LUZP2: variants seen among roughly 807,000 people sequenced by gnomAD.
LUZP2 encodes the protein leucine zipper protein 2.
LUZP2 carries 52 observed loss-of-function variants against 51.6 expected under a neutral mutation model. The observed-to-expected ratio is 1.01, with a 90% CI of 0.81 to 1.27. The LOEUF (loss-of-function observed/expected upper bound fraction) is 1.27. Among genes scored for constraint, LUZP2 ranks in the 50% most tolerant of loss-of-function variants. LUZP2 has a pLI of 0.00. For missense variants in LUZP2, 436 were observed against 395.4 expected, an observed-to-expected ratio of 1.10 and a Z score of -0.87; for synonymous variants, 154 against 137.3, an observed-to-expected ratio of 1.12 and a Z score of -0.85.
chr11:24,935,232 C>T (rs1854556568), intron 7 of LUZP2, among the ~76,000 whole-genome samples: 1 of 151,904 alleles, frequency 6.6e-6, no homozygotes, highest in African/African-American at 2.4e-5. Context: ...TGAGAGGGGC[C>T]CTTAACTTTA....
rs562010890 is a variant in LUZP2 at position 24,566,517 on chromosome 11, T to C, written c.62+69212T>C. On this transcript the variant is annotated intron_variant, in intron 1 of 11. Coordinates refer to ENST00000336930, the MANE Select transcript of LUZP2 (RefSeq NM_001009909.4). ...ATAATTTAATTTGTGTGTGTGTGTA[T>C]GTGTGTGTATATGTATACACATATG... Among the ~76,000 whole-genome samples, 243 of 147,872 alleles carry C rather than the reference T, an allele frequency of 1.6e-3. 1 individual carries two copies. The highest frequency in any genetic ancestry group is 5.7e-3 in the African/African-American group (231 of 40,442).
At chr11:24,678,218 AATCAATGGCCC>A (rs1388456786) in intron 1 of LUZP2, among the ~76,000 whole-genome samples, 9 of 152,308 alleles carry the variant, frequency 5.9e-5, no homozygotes, top group African/African-American at 2.2e-4. Context: ...TGTCCAGGAC[AATCAATGGCCC>A]ATAGTAACCA....
At chr11:24,591,833 A>G (rs1351716496) in intron 1 of LUZP2, among the ~76,000 whole-genome samples, 1 of 152,246 alleles carries the variant, frequency 6.6e-6, no homozygotes, top group Admixed American at 6.5e-5. Flanking sequence ...TAAAATAAAA[A>G]GTAATAATAA....
At chr11:25,036,806 T>G (rs1316101471) in intron 9 of LUZP2, among the ~76,000 whole-genome samples, 2 of 152,076 alleles carry the variant, frequency 1.3e-5, no homozygotes, top group Admixed American at 1.3e-4. Context: ...TTTATTGCAC[T>G]GGGGTCCAGG....
At chr11:24,629,190 C>T (rs1482357503) in intron 1 of LUZP2, among the ~76,000 whole-genome samples, 1 of 151,820 alleles carries the variant, frequency 6.6e-6, no homozygotes, top group Non-Finnish European at 1.5e-5. Flanking sequence ...ATCCAAATAA[C>T]ATACATTGTA....
intron 1 of LUZP2, among the ~76,000 whole-genome samples, chr11:24,641,606 T>C (rs1232640655): frequency 6.6e-6 from 1 of 151,848 alleles, no homozygotes; most frequent in African/African-American, 2.4e-5. Flanking sequence ...ATTTACTAAT[T>C]AGAGAAAACT....
At position 24,856,430 on chromosome 11, in the gene LUZP2, A is replaced by G. The variant is rs543023403; in HGVS notation, c.397-49561A>G. ...ATGGCTATTATTAAAAAGTCAATAA[A>G]AGTTATTGGCAGGGATGTAGAGAAA... is the stretch of plus-strand genomic sequence containing the variant. On this transcript the variant is annotated intron_variant, in intron 5 of 11. Coordinates refer to ENST00000336930, the MANE Select transcript of LUZP2 (RefSeq NM_001009909.4). Among the ~76,000 whole-genome samples, 10 of 152,222 alleles carry G rather than the reference A, an allele frequency of 6.6e-5. No homozygotes were observed. In the East Asian group the frequency reaches 1.9e-3, roughly 29 times the overall value.
intron 5 of LUZP2, among the ~76,000 whole-genome samples, chr11:24,775,578 G>A (rs1448233801): frequency 6.6e-6 from 1 of 152,126 alleles, no homozygotes; most frequent in African/African-American, 2.4e-5. Flanking sequence ...GCTGTCTTAT[G>A]GAAGTTTGCA....
chr11:25,044,255 GTGTA>G (rs1376536250), intron 9 of LUZP2, among the ~76,000 whole-genome samples: 118 of 42,348 alleles, frequency 2.8e-3, no homozygotes, highest in African/African-American at 0.01. Context: ...GTGTGTGTGT[GTGTA>G]TATATATATA....
intron 1 of LUZP2, among the ~76,000 whole-genome samples, chr11:24,609,028 G>T (rs554991064): frequency 6.6e-6 from 1 of 152,006 alleles, no homozygotes; most frequent in Non-Finnish European, 1.5e-5. Context: ...AAATGGTAAC[G>T]TAACATCCAG....
intron 1 of LUZP2, among the ~76,000 whole-genome samples, chr11:24,641,799 C>CA (rs1433934872): frequency 1.3e-5 from 2 of 151,772 alleles, no homozygotes; most frequent in African/African-American, 4.9e-5. Flanking sequence ...AATAAATTGG[C>CA]AAAAAATTGC....
chr11:24,962,669 A>T (rs1855451577), intron 7 of LUZP2, among the ~76,000 whole-genome samples: 1 of 152,026 alleles, frequency 6.6e-6, no homozygotes, highest in South Asian at 2.1e-4. Flanking sequence ...CATTCGTGTA[A>T]ATTTTTTTCA....
At chr11:24,498,138 T>G (rs1190512270) in intron 1 of LUZP2, among the ~76,000 whole-genome samples, 1 of 152,142 alleles carries the variant, frequency 6.6e-6, no homozygotes, top group Non-Finnish European at 1.5e-5. Flanking sequence ...AGCACAAAGG[T>G]GGACTGTTTA....
At chr11:24,872,468 T>C (rs1433336984) in intron 5 of LUZP2, among the ~76,000 whole-genome samples, 2 of 152,134 alleles carry the variant, frequency 1.3e-5, no homozygotes, top group Non-Finnish European at 2.9e-5. Flanking sequence ...TATTAAACCA[T>C]TCAAGGGGAT....
chr11:24,746,323 C>G (rs554230696), intron 4 of LUZP2, among the ~76,000 whole-genome samples: 1 of 152,240 alleles, frequency 6.6e-6, no homozygotes, highest in East Asian at 1.9e-4. Flanking sequence ...CTTACTTTCA[C>G]TGGATACAAA....
At chr11:24,736,571 C>G (rs920334091) in intron 3 of LUZP2, among the ~76,000 whole-genome samples, 1 of 151,608 alleles carries the variant, frequency 6.6e-6, no homozygotes, top group African/African-American at 2.4e-5. Context: ...CATATAGACA[C>G]TAAAACACAA....
chr11:24,599,138 T>C (rs528147781), intron 1 of LUZP2, among the ~76,000 whole-genome samples: 2 of 152,222 alleles, frequency 1.3e-5, no homozygotes, highest in African/African-American at 4.8e-5. Flanking sequence ...GTTTTCTTCA[T>C]CAACAACGTG....
chr11:24,812,842 T>A (rs1027210606), intron 5 of LUZP2, among the ~76,000 whole-genome samples: 1 of 152,176 alleles, frequency 6.6e-6, no homozygotes, highest in South Asian at 2.1e-4. Flanking sequence ...GATGCTTTCA[T>A]ACAGGCTCGC....
At chr11:24,933,201 G>T (rs534759472) in intron 7 of LUZP2, among the ~76,000 whole-genome samples, 2 of 152,240 alleles carry the variant, frequency 1.3e-5, no homozygotes, top group South Asian at 4.1e-4. Flanking sequence ...GGAGTGATCT[G>T]CTTCCTTCAA....
Sources: gnomAD v4.1 joint callset for allele counts (sites outside exome capture counted in the v4.1 genomes callset) on GRCh38, gnomAD v4.1.1 for gene constraint, MANE v1.5 for transcripts, NCBI Gene and HGNC (gene_info 2026-07-23, HGNC 2026-07-21) for gene names.